The following LIPE variants were observed in gnomAD, a reference collection of about 807,000 sequenced individuals.
The protein encoded by LIPE is hormone-sensitive lipase.
A neutral mutation model predicts 88.5 loss-of-function variants in LIPE; 66 were observed. That is an observed-to-expected ratio of 0.75 (90% CI 0.61 to 0.91). LIPE has a LOEUF of 0.91. Ranked by LOEUF, LIPE falls within the 40% of genes least tolerant of loss-of-function variation. The probability of loss-of-function intolerance (pLI) is 0.00; values close to 1 mark genes in which losing one functional copy is unlikely to be tolerated. For synonymous variants in LIPE, 570 were observed against 617.5 expected, an observed-to-expected ratio of 0.92 and a Z score of 1.14; for missense variants, 1,346 against 1,434.7, an observed-to-expected ratio of 0.94 and a Z score of 1.00.
rs771231913 is a variant in LIPE at position 42,426,584 on chromosome 19, G to A, written c.566C>T (p.Thr189Met). Reference protein sequence around the residue: ...ETPEQSDKQTTPVQGAKSKQG... With the variant: ...ETPEQSDKQTMPVQGAKSKQG... ...CTTGGATTTGGCTCCCTGGACTGGC[G>A]TTGTTTGCTTGTCTGACTGTTCAGG... is the stretch of plus-strand genomic sequence containing the variant. The change falls in exon 1 of 10, where the codon ACG becomes ATG. Residue 189 changes from threonine to methionine, a missense_variant. Thr to Met is a moderately conservative substitution (Grantham distance 81, BLOSUM62 -1). Transcript: ENST00000244289. The A allele has an allele frequency of 5.0e-6, 8 of 1,614,074 alleles. No individual in the cohort carries two copies. The highest frequency in any genetic ancestry group is 2.7e-5 in the African/African-American group (2 of 74,926).
At chr19:42,405,285 C>G in intron 8 of LIPE, 100 bp downstream of exon 8, 3 of 1,284,896 alleles carry the variant, frequency 2.3e-6, no homozygotes, top group Non-Finnish European at 2.1e-6. Flanking sequence ...GATTGCAGGT[C>G]TGAACCACCA....
At position 42,426,320 on chromosome 19, in the gene LIPE, G is replaced by C; in HGVS notation, c.830C>G (p.Thr277Arg). Residue 277 changes from threonine to arginine, a missense_variant, in exon 1 of 10, where the codon ACG (threonine) becomes AGG (arginine). By Grantham distance (71) the Thr-to-Arg change is moderately conservative. Coordinates refer to ENST00000244289, the MANE Select transcript of LIPE (RefSeq NM_005357.4). The part of the protein sequence containing the change: ...GYKVMSGYSG[T>R]SPHEKTSARN... Reference sequence around the variant, plus strand: ...AGCACTGGTTTTCTCATGTGGCGACGTCCCACTGTATCCTGACATCACTTT... The same window carrying C: ...AGCACTGGTTTTCTCATGTGGCGACCTCCCACTGTATCCTGACATCACTTT... 6.2e-7 allele frequency: 1 copy of C among 1,609,262 alleles called. No individual in the cohort carries two copies. The highest frequency in any genetic ancestry group is 8.5e-7 in the Non-Finnish European group (1 of 1,176,008).
At chr19:42,409,727 C>T (rs2040313041) in intron 2 of LIPE, among the ~76,000 whole-genome samples, 1 of 152,238 alleles carries the variant, frequency 6.6e-6, no homozygotes. Context: ...ATCTCTTTCT[C>T]ATGACTCTAG....
Position 42,401,600 on chromosome 19 carries a change from G to A in LIPE, c.*212C>T. The A allele has an allele frequency of 1.9e-6, 1 of 515,964 alleles. No individual in the cohort carries two copies. The highest frequency in any genetic ancestry group is 3.4e-6 in the Non-Finnish European group (1 of 297,026). The allele number at this position is 515,964 out of a possible 1,614,324, so 32.0% of individuals were successfully genotyped here. A position where few individuals can be genotyped will look rare whatever the true frequency, so the allele number is the denominator to read the frequency against. ...CCCTGCGGCGGTCGCCGCAGCAGCA[G>A]CAGCAAAAGGCAGCGGTGGCGTGCA... On this transcript the variant is annotated 3_prime_UTR_variant, in exon 10 of 10. Transcript: ENST00000244289.
rs1003312312 is a variant in LIPE at position 42,414,929 on chromosome 19, C to A, written c.884-4087G>T. On this transcript the variant is annotated intron_variant, in intron 1 of 9. Coordinates refer to ENST00000244289, the MANE Select transcript of LIPE (RefSeq NM_005357.4). The surrounding 1 kb of genome is among the most constrained non-coding windows in gnomAD (Gnocchi z 4.6). ...ATCTCTCTTCTCGAGCCTCCATATT[C>A]CCTAAGACATACAATATTGAGGCCG... 6.6e-6 allele frequency among the ~76,000 whole-genome samples: 1 copy of A among 152,132 alleles called. No individual in the cohort carries two copies. The highest frequency in any genetic ancestry group is 1.5e-5 in the Non-Finnish European group (1 of 68,030).
chr19:42,419,547 T>G (rs928720526), intron 1 of LIPE, among the ~76,000 whole-genome samples: 2 of 152,150 alleles, frequency 1.3e-5, no homozygotes, highest in African/African-American at 4.8e-5. Context: ...GGGTAAGGAC[T>G]AGGGGAGAGG....
At chr19:42,417,375 T>A (rs2040509124) in intron 1 of LIPE, among the ~76,000 whole-genome samples, 1 of 152,168 alleles carries the variant, frequency 6.6e-6, no homozygotes, top group Admixed American at 6.6e-5. Flanking sequence ...TCCTCCTACT[T>A]CAGCCTCCTG....
In LIPE at chr19:42,401,646, C is replaced by G. The variant is rs1331870456; in HGVS notation, c.*166G>C. The G allele has an allele frequency of 1.7e-6, 1 of 582,612 alleles. No homozygotes were observed. Among genetic ancestry groups the G allele is most frequent in the Non-Finnish European group, 2.9e-6 (1 of 350,090 alleles). The allele number at this position is 582,612 out of a possible 1,614,324, so 36.1% of individuals were successfully genotyped here. On this transcript the variant is annotated 3_prime_UTR_variant, in exon 10 of 10. Coordinates refer to ENST00000244289, the MANE Select transcript of LIPE (RefSeq NM_005357.4). ...GTGCAGGTCCAGCCGTCTCGGTGAC[C>G]GGTGTGTGTGCGCGTCCCCCTCCCC...
intron 1 of LIPE, among the ~76,000 whole-genome samples, chr19:42,411,749 C>T (rs988577734): frequency 1.3e-5 from 2 of 152,164 alleles, no homozygotes; most frequent in African/African-American, 4.8e-5. Context: ...GTCCACTGGT[C>T]CTGGGTTGCA....
At position 42,414,370 on chromosome 19, in the gene LIPE, T is replaced by C. The variant is rs1247253234; in HGVS notation, c.884-3528A>G. Among the ~76,000 whole-genome samples, 2 of 152,244 alleles carry C rather than the reference T, an allele frequency of 1.3e-5. No homozygotes were observed. The highest frequency in any genetic ancestry group is 1.3e-4 in the Admixed American group (2 of 15,286). ...TGGCCCAAGCCCTTGCTGGCGACCC[T>C]GGATGAGTCTGTTTTCCTCATCTGG... is the stretch of plus-strand genomic sequence containing the variant. On this transcript the variant is annotated intron_variant, in intron 1 of 9. Coordinates refer to ENST00000244289, the MANE Select transcript of LIPE (RefSeq NM_005357.4). This position sits in a 1 kb window ranked among gnomAD's most constrained non-coding sequence, Gnocchi z 4.6.
chr19:42,424,100 A>G, intron 1 of LIPE: 2 of 1,188,772 alleles, frequency 1.7e-6, no homozygotes, highest in Non-Finnish European at 2.1e-6. Flanking sequence ...TGGAGGAGGG[A>G]GCCCCGCTTT....
In LIPE at chr19:42,403,018, G is replaced by T; in HGVS notation, c.2556C>A (p.Arg852=). The T allele has an allele frequency of 6.4e-7, 1 of 1,566,146 alleles. No homozygotes were observed. Residue 852 remains arginine (R), a synonymous_variant, in exon 9 of 10, where the codon CGC becomes CGA. Transcript: ENST00000244289. The stretch of plus-strand genomic sequence containing the variant: ...GGGCCAGTGCTGCTTCAGACACACT[G>T]CGGCGCATCGGCTCTGAGAGAGGGA... ...MSEPIAEPMR[R]SVSEAALAQP...
rs1048790643 is a variant in LIPE at position 42,401,668 on chromosome 19, C to G, written c.*144G>C. ...GACCGGTGTGTGTGCGCGTCCCCCT[C>G]CCCGTGGCGAGGGTCTCAGCTTTCG... On this transcript the variant is annotated 3_prime_UTR_variant, in exon 10 of 10. Coordinates refer to ENST00000244289, the MANE Select transcript of LIPE (RefSeq NM_005357.4). 3.5e-6 allele frequency: 2 copies of G among 564,652 alleles called. No homozygotes were observed. Among genetic ancestry groups the G allele is most frequent in the African/African-American group, 4.0e-5 (2 of 49,400 alleles). 35.0% of individuals were successfully genotyped at this position (564,652 alleles called of 1,614,324 possible).
At chr19:42,420,346 G>A (rs1403239290) in intron 1 of LIPE, among the ~76,000 whole-genome samples, 1 of 152,134 alleles carries the variant, frequency 6.6e-6, no homozygotes, top group Admixed American at 6.5e-5. Context: ...CATGGCTGGC[G>A]TGTGTCCTGG....
intron 1 of LIPE, among the ~76,000 whole-genome samples, chr19:42,415,231 CAAAT>C (rs1366250305): frequency 6.6e-6 from 1 of 151,888 alleles, no homozygotes; most frequent in Non-Finnish European, 1.5e-5. Context: ...GAGTCTGTCT[CAAAT>C]AAATGAAATG....
intron 1 of LIPE, among the ~76,000 whole-genome samples, chr19:42,413,066 CAG>C (rs977737769): frequency 1.3e-5 from 2 of 152,208 alleles, no homozygotes; most frequent in Non-Finnish European, 1.5e-5. Context: ...AACAGAGGCT[CAG>C]AGAGAGAGAT....
chr19:42,418,725 T>G (rs989867094), intron 1 of LIPE, among the ~76,000 whole-genome samples: 1 of 152,190 alleles, frequency 6.6e-6, no homozygotes, highest in Non-Finnish European at 1.5e-5. Context: ...GACTACAGGA[T>G]AGTGTAAACA....
In LIPE at chr19:42,408,348, C is replaced by T. The variant is rs765970294; in HGVS notation, c.1420-26G>A. 1.1e-5 allele frequency: 17 copies of T among 1,592,178 alleles called. No homozygotes were observed. The highest frequency in any genetic ancestry group is 1.5e-5 in the Non-Finnish European group (17 of 1,160,432). The stretch of plus-strand genomic sequence containing the variant: ...CTGTGGAGAGACGCGGCTGCGTCAC[C>T]CACCGCTCAAGAGAGGGATGGGGAC... On this transcript the variant is annotated intron_variant, in intron 2 of 9. Transcript: ENST00000244289. This position sits in a 1 kb window ranked among gnomAD's most constrained non-coding sequence, Gnocchi z 4.3.
Position 42,426,719 on chromosome 19 carries a change from C to T in LIPE, c.431G>A (p.Gly144Glu), listed in dbSNP as rs1483446137. The change falls in exon 1 of 10, where the codon GGA becomes GAA. Residue 144 changes from glycine (G) to glutamate (E), a missense_variant. Transcript: ENST00000244289. ...TTCTTGTTGAGCTGGAGGTGGCTCT[C>T]CTGGCCCAGGCCCTGGCTGGGCTAC... ...RHVAQPGPGP[G>E]EPPPAQQEAE... 1 of 1,614,062 alleles carries T rather than the reference C, an allele frequency of 6.2e-7. No homozygotes were observed. The highest frequency in any genetic ancestry group is 8.5e-7 in the Non-Finnish European group (1 of 1,180,058).
Sources: gnomAD v4.1 joint callset for allele counts (sites outside exome capture counted in the v4.1 genomes callset) on GRCh38, gnomAD v4.1.1 for gene constraint, Gnocchi (gnomAD v3.1) non-coding constraint, MANE v1.5 for transcripts, NCBI Gene and HGNC (gene_info 2026-07-23, HGNC 2026-07-21) for gene names.